Variants in SLC25A18 observed in about 807,000 individuals in gnomAD.
SLC25A18 encodes mitochondrial glutamate carrier 2.
Under a neutral mutation model 31.1 loss-of-function variants are expected in SLC25A18, and 24 were observed. That is an observed-to-expected ratio of 0.77 (90% confidence interval 0.56 to 1.08). The LOEUF is 1.08. Ranked by LOEUF, SLC25A18 falls within the 50% of genes least tolerant of loss-of-function variation. The pLI is 0.00. For missense variants in SLC25A18, 371 were observed against 418.5 expected (o/e 0.89, Z 0.99); for synonymous variants, 173 against 161.9 (o/e 1.07, Z -0.52).
Position 17,590,236 on chromosome 22 carries a change from G to C in SLC25A18, c.948G>C (p.Ter316TyrextTer15). 2 of 1,614,200 alleles carry C rather than the reference G, an allele frequency of 1.2e-6. No individual in the cohort carries two copies. Among genetic ancestry groups the C allele is most frequent in the Non-Finnish European group, 1.7e-6 (2 of 1,180,034 alleles). The change falls in exon 11 of 11, where the codon TAG becomes TAC. Residue 316 changes from the stop codon to tyrosine, a stop_lost. Coordinates refer to ENST00000327451, the MANE Select transcript of SLC25A18 (RefSeq NM_031481.3). ...AGCGCATCTTAAAGTGTTTTGACTAGACAGAGCTGGAGGTCAAGTCCCTGC... is the reference window on the plus strand; with the variant it reads ...AGCGCATCTTAAAGTGTTTTGACTACACAGAGCTGGAGGTCAAGTCCCTGC... ...IGERILKCFD* is the reference protein window; with the variant it reads ...IGERILKCFDY
At chr22:17,577,919 T>C (rs922212294) in intron 2 of SLC25A18, among the ~76,000 whole-genome samples, 7 of 151,082 alleles carry the variant, frequency 4.6e-5, no homozygotes, top group Non-Finnish European at 8.8e-5. Flanking sequence ...TCAGGTGATC[T>C]GCCGTCCTCA....
intron 1 of SLC25A18, among the ~76,000 whole-genome samples, chr22:17,567,066 G>A (rs2056956160): frequency 6.6e-6 from 1 of 152,212 alleles, no homozygotes; most frequent in African/African-American, 2.4e-5. Context: ...GGAGGCTGAG[G>A]TGAGAGGATG....
At chr22:17,564,857 CAA>C (rs695292) in intron 1 of SLC25A18, among the ~76,000 whole-genome samples, 1 of 112,346 alleles carries the variant, frequency 8.9e-6, no homozygotes, top group Non-Finnish European at 1.8e-5. Context: ...ACTCTGTCTC[CAA>C]AAAAAAAAAA....
At chr22:17,584,450 A>AAGGAAGGAAGGAAGGAAGGAAGGAAG (rs1167043317) in intron 7 of SLC25A18, among the ~76,000 whole-genome samples, 1 of 129,224 alleles carries the variant, frequency 7.7e-6, no homozygotes, top group African/African-American at 3.5e-5. Flanking sequence ...AAGGAAGGAG[A>AAGGAAGGAAGGAAGGAAGGAAGGAAG]GAGAGAGAGA....
At chr22:17,580,083 CT>C (rs2057333533) in intron 3 of SLC25A18, 119 bp downstream of exon 3, 3 of 924,566 alleles carry the variant, frequency 3.2e-6, no homozygotes, top group Non-Finnish European at 5.1e-6. Context: ...AGCAAGACCC[CT>C]GTCCCCCATA....
At chr22:17,577,585 T>TTTCA in intron 2 of SLC25A18, among the ~76,000 whole-genome samples, 1 of 147,826 alleles carries the variant, frequency 6.8e-6, no homozygotes, top group Non-Finnish European at 1.5e-5. Context: ...GTCTATTTTT[T>TTTCA]TTTTTTTTTT....
chr22:17,584,423 G>GAAAGAAAGAAAGAAAGAAAGA lies in SLC25A18; in HGVS notation c.409+891_409+892insAGAAAGAAAGAAAGAAAGAAA, dbSNP rs58573353. Among the ~76,000 whole-genome samples, 860 of 111,382 alleles carry GAAAGAAAGAAAGAAAGAAAGA rather than the reference G, an allele frequency of 7.7e-3. 7 individuals are homozygous for GAAAGAAAGAAAGAAAGAAAGA. Among genetic ancestry groups the GAAAGAAAGAAAGAAAGAAAGA allele is most frequent in the Middle Eastern group, 0.022 (5 of 228 alleles). 73.1% of individuals were successfully genotyped at this position (111,382 alleles called of 152,430 possible). ...GAAAAGAAAGAAAGAAAGAAAGAAA[G>GAAAGAAAGAAAGAAAGAAAGA]AAGGAAGGAAGGAAGGAAGGAAGGA... On this transcript the variant is annotated intron_variant, in intron 7 of 10. Transcript: ENST00000327451.
At chr22:17,574,769 C>G (rs889425481) in intron 2 of SLC25A18, among the ~76,000 whole-genome samples, 1 of 150,254 alleles carries the variant, frequency 6.7e-6, no homozygotes, top group Non-Finnish European at 1.5e-5. Flanking sequence ...ATCCACCCAC[C>G]CTCGGCCTCC....
intron 2 of SLC25A18, among the ~76,000 whole-genome samples, chr22:17,571,009 G>A (rs1040404506): frequency 3.3e-5 from 5 of 152,188 alleles, no homozygotes; most frequent in Admixed American, 6.5e-5. Flanking sequence ...CGGAAAGAGT[G>A]TCCTGGGTGA....
chr22:17,572,637 A>AT (rs1274237439), intron 2 of SLC25A18, among the ~76,000 whole-genome samples: 27,753 of 107,000 alleles, frequency 0.26, 3,855 homozygotes, highest in East Asian at 0.34. Context: ...CTACAAATAA[A>AT]TTTTTTTTTT....
At chr22:17,570,464 G>A (rs1203148511) in intron 2 of SLC25A18, 5 of 152,196 alleles carry the variant, frequency 3.3e-5, no homozygotes, top group Admixed American at 6.6e-5. Context: ...ATGCCTCTGC[G>A]CCGTGGCCAG....
chr22:17,573,436 G>GA (rs1278347709), intron 2 of SLC25A18, among the ~76,000 whole-genome samples: 1 of 152,074 alleles, frequency 6.6e-6, no homozygotes, highest in Non-Finnish European at 1.5e-5. Flanking sequence ...CTCCACGTTT[G>GA]AAAAATAGAG....
At chr22:17,587,770 C>A in intron 8 of SLC25A18, 155 bp from the exon 9 acceptor site, 1 of 856,664 alleles carries the variant, frequency 1.2e-6, no homozygotes, top group Non-Finnish European at 1.8e-6. Context: ...CCCCTGCTGT[C>A]CCTCACCCAC....
intron 6 of SLC25A18, 69 bp from the exon 7 acceptor site, chr22:17,583,347 C>A: frequency 6.3e-7 from 1 of 1,590,514 alleles, no homozygotes; most frequent in Non-Finnish European, 8.6e-7. Context: ...CCCCCTCTCA[C>A]AAGAGGGCAG....
chr22:17,587,133 C>T lies in SLC25A18; in HGVS notation c.410-3C>T, dbSNP rs1433127737. Reference sequence around the variant, plus strand: ...GTACTGATGTCTGTCCTTTCCCTTCCAGCCGTCCATCATCAGGGCTCGGCC... The same window carrying T: ...GTACTGATGTCTGTCCTTTCCCTTCTAGCCGTCCATCATCAGGGCTCGGCC... On this transcript the variant is annotated splice_region_variant and splice_polypyrimidine_tract_variant and intron_variant, in intron 7 of 10. Transcript: ENST00000327451. The T allele has an allele frequency of 1.2e-6, 2 of 1,613,402 alleles. No individual in the cohort carries two copies. Among genetic ancestry groups the T allele is most frequent in the Non-Finnish European group, 1.7e-6 (2 of 1,179,740 alleles).
intron 10 of SLC25A18, 128 bp downstream of exon 10, chr22:17,589,793 C>CAAAGAGGTTTGAAAGAA: frequency 1.1e-6 from 1 of 887,994 alleles, no homozygotes; most frequent in Non-Finnish European, 1.8e-6. Context: ...GTCTTTCCCT[C>CAAAGAGGTTTGAAAGAA]ACCTCTCAAA....
At position 17,584,446 on chromosome 22, in the gene SLC25A18, G is replaced by GTA. The variant is rs1555951484; in HGVS notation, c.409+912_409+913insTA. Among the ~76,000 whole-genome samples, 4 of 116,824 alleles carry GTA rather than the reference G, an allele frequency of 3.4e-5. No homozygotes were observed. In the East Asian group the frequency reaches 9.6e-4, roughly 28 times the overall value. 76.6% of individuals were successfully genotyped at this position (116,824 alleles called of 152,430 possible). On this transcript the variant is annotated intron_variant, in intron 7 of 10. Transcript: ENST00000327451. The stretch of plus-strand genomic sequence containing the variant: ...AAGAAGGAAGGAAGGAAGGAAGGAA[G>GTA]GAGAGAGAGAGAGAGAGAGAGAGAG...
At chr22:17,589,705 T>C in intron 10 of SLC25A18, 40 bp downstream of exon 10, 3 of 1,585,622 alleles carry the variant, frequency 1.9e-6, no homozygotes, top group Middle Eastern at 1.7e-4. Context: ...CTGGGACAGG[T>C]TCCTCTGCGT....
At chr22:17,571,677 C>T (rs573050812) in intron 2 of SLC25A18, among the ~76,000 whole-genome samples, 250 of 151,190 alleles carry the variant, frequency 1.7e-3, no homozygotes, top group African/African-American at 5.9e-3. Flanking sequence ...ACTGTTTGAA[C>T]CCAGAAGGCA....
Sources: allele counts gnomAD v4.1 joint callset (sites outside exome capture counted in the v4.1 genomes callset), GRCh38; gene constraint gnomAD v4.1.1; transcripts MANE v1.5; gene names NCBI Gene and HGNC (gene_info 2026-07-23, HGNC 2026-07-21).